Variants in ADAM19 observed in about 807,000 individuals in gnomAD.
ADAM19 encodes disintegrin and metalloproteinase domain-containing protein 19.
In ADAM19, 65 loss-of-function variants were observed where a neutral mutation model predicts 114.7. The observed-to-expected ratio is 0.57, with a 90% CI of 0.46 to 0.70. The LOEUF is 0.70. ADAM19 is among the 30% of genes least tolerant of loss of function. The pLI is 0.00. For synonymous variants in ADAM19, 466 were observed against 460.5 expected (o/e 1.01, Z -0.15); for missense variants, 1,063 against 1,204.7 (o/e 0.88, Z 1.74).
chr5:157,542,812 T>C (rs968074595), intron 3 of ADAM19, among the ~76,000 whole-genome samples: 2 of 152,110 alleles, frequency 1.3e-5, no homozygotes, highest in African/African-American at 4.8e-5. Context: ...CTCAAAACAT[T>C]AAATTAAAAA....
intron 3 of ADAM19, among the ~76,000 whole-genome samples, chr5:157,564,119 G>T (rs11465267): frequency 1.3e-5 from 2 of 152,166 alleles, no homozygotes; most frequent in African/African-American, 2.4e-5. Context: ...CTGTGTGCCC[G>T]CAGTGAACTC....
Position 157,537,997 on chromosome 5 carries a change from A to G in ADAM19, c.252-6T>C, listed in dbSNP as rs1212063918. The G allele has an allele frequency of 1.9e-6, 3 of 1,611,930 alleles. No homozygotes were observed. The highest frequency in any genetic ancestry group is 2.5e-6 in the Non-Finnish European group (3 of 1,178,168). On this transcript the variant is annotated splice_region_variant and splice_polypyrimidine_tract_variant and intron_variant, in intron 3 of 22. Coordinates refer to ENST00000257527, the MANE Select transcript of ADAM19 (RefSeq NM_033274.5). ...AGGAAGGAGCAAAAAGTTGCCTGCAAAAAATAAAAAGAGACATTTATATCA... is the reference window on the plus strand; with the variant it reads ...AGGAAGGAGCAAAAAGTTGCCTGCAGAAAATAAAAAGAGACATTTATATCA...
intron 19 of ADAM19, 96 bp from the exon 20 acceptor site, chr5:157,489,282 G>C: frequency 1.2e-6 from 1 of 859,004 alleles, no homozygotes; most frequent in Non-Finnish European, 1.9e-6. Flanking sequence ...CCAGCAAGCA[G>C]CTAAATCTTT....
At chr5:157,549,212 T>C (rs1757125759) in intron 3 of ADAM19, among the ~76,000 whole-genome samples, 1 of 152,214 alleles carries the variant, frequency 6.6e-6, no homozygotes, top group Non-Finnish European at 1.5e-5. Flanking sequence ...CCTACTTCCC[T>C]GACCACATGG....
rs1449702349 is a variant in ADAM19 at position 157,507,069 on chromosome 5, C to T, written c.977G>A (p.Gly326Glu). Residue 326 changes from glycine to glutamate, a missense_variant, in exon 10 of 23, where the codon GGA becomes GAA. Around this residue, in one of 3 missense-constraint regions of ADAM19, gnomAD observed 615 missense variants for 706.3 expected, o/e 0.87. Coordinates refer to ENST00000257527, the MANE Select transcript of ADAM19 (RefSeq NM_033274.5). ...LMAMCSVYQSGGVNMDHSENA... is the reference protein window; with the variant it reads ...LMAMCSVYQSEGVNMDHSENA... The stretch of plus-strand genomic sequence containing the variant: ...GCTGAGACTCACCATGTTGACTCCT[C>T]CAGACTGGTACACAGAGCACATGGC... The T allele has an allele frequency of 6.2e-7, 1 of 1,614,130 alleles. No homozygotes were observed. The highest frequency in any genetic ancestry group is 1.3e-5 in the African/African-American group (1 of 75,060).
intron 5 of ADAM19, among the ~76,000 whole-genome samples, chr5:157,521,528 T>A (rs931503300): frequency 2.0e-5 from 3 of 152,170 alleles, no homozygotes; most frequent in Non-Finnish European, 4.4e-5. Flanking sequence ...CCTGTGATGC[T>A]CTCTGGAAAA....
At chr5:157,569,310 C>T (rs964626890) in intron 2 of ADAM19, among the ~76,000 whole-genome samples, 1 of 143,114 alleles carries the variant, frequency 7.0e-6, no homozygotes, top group Non-Finnish European at 1.5e-5. Flanking sequence ...GCTGATGCGA[C>T]TATATCTTAC....
chr5:157,490,677 A>C (rs1440241563), intron 18 of ADAM19, among the ~76,000 whole-genome samples: 2 of 152,164 alleles, frequency 1.3e-5, no homozygotes, highest in African/African-American at 4.8e-5. Context: ...GCAGATCACA[A>C]GGTAAAGAGA....
At chr5:157,549,409 AT>A (rs1199137001) in intron 3 of ADAM19, among the ~76,000 whole-genome samples, 2 of 152,230 alleles carry the variant, frequency 1.3e-5, no homozygotes, top group African/African-American at 2.4e-5. Flanking sequence ...TTCCTAAAAG[AT>A]TAGTAGCACT....
In ADAM19 at chr5:157,502,882, G is replaced by T. The variant is rs1438933187; in HGVS notation, c.1229C>A (p.Thr410Asn). 1 of 1,614,060 alleles carries T rather than the reference G, an allele frequency of 6.2e-7. No individual in the cohort carries two copies. The highest frequency in any genetic ancestry group is 8.5e-7 in the Non-Finnish European group (1 of 1,180,008). Residue 410 changes from threonine to asparagine, a missense_variant, in exon 12 of 23, where the codon ACC (threonine) becomes AAC (asparagine). Thr to Asn is a moderately conservative substitution (Grantham distance 65). Coordinates refer to ENST00000257527, the MANE Select transcript of ADAM19 (RefSeq NM_033274.5). ...CCTCCGGCCTCCATACAACATCCTG[G>T]TGTCTGGCATGTTGGAGAGACACAT... ...GGMCLSNMPD[T>N]RMLYGGRRCG...
intron 21 of ADAM19, among the ~76,000 whole-genome samples, chr5:157,483,672 C>A (rs1754834438): frequency 6.8e-6 from 1 of 148,148 alleles, no homozygotes; most frequent in Non-Finnish European, 1.5e-5. Context: ...CTTGCTCTGT[C>A]CCCCAGGCTG....
At position 157,488,294 on chromosome 5, in the gene ADAM19, G is replaced by A; in HGVS notation, c.2521C>T (p.Pro841Ser). Residue 841 changes from proline to serine, a missense_variant, in exon 21 of 23, where the codon CCC becomes TCC. Transcript: ENST00000257527. Reference sequence around the variant, plus strand: ...GAAACGATGCAATTTGGTGCGGGGGGAATTGGCCGGCTTGGAGGAGGCCTC... The same window carrying A: ...GAAACGATGCAATTTGGTGCGGGGGAAATTGGCCGGCTTGGAGGAGGCCTC... ...SRRPPPSRPI[P>S]PAPNCIVSQD... The A allele has an allele frequency of 1.9e-6, 3 of 1,614,030 alleles. No individual in the cohort carries two copies. Among genetic ancestry groups the A allele is most frequent in the Non-Finnish European group, 2.5e-6 (3 of 1,179,898 alleles).
chr5:157,513,578 T>C, intron 7 of ADAM19, 73 bp from the exon 8 acceptor site: 1 of 1,370,154 alleles, frequency 7.3e-7, no homozygotes. Flanking sequence ...CCATTACTTG[T>C]CTTTGAATTT....
At chr5:157,490,222 T>C in intron 19 of ADAM19, 88 bp downstream of exon 19, 3 of 1,490,352 alleles carry the variant, frequency 2.0e-6, no homozygotes, top group Non-Finnish European at 2.8e-6. Context: ...TTAGACCCAC[T>C]ATCACCAACA....
intron 18 of ADAM19, 116 bp downstream of exon 18, chr5:157,491,499 T>C: frequency 1.3e-6 from 1 of 757,712 alleles, no homozygotes; most frequent in Non-Finnish European, 2.1e-6. Context: ...ATTTCCTCTC[T>C]ACAAAATCAG....
At chr5:157,487,270 C>T (rs573207650) in intron 21 of ADAM19, among the ~76,000 whole-genome samples, 1 of 152,080 alleles carries the variant, frequency 6.6e-6, no homozygotes, top group Non-Finnish European at 1.5e-5. Context: ...TTTTTCCATC[C>T]TACCTCTGCC....
At chr5:157,498,419 C>T (rs1237204239) in intron 13 of ADAM19, among the ~76,000 whole-genome samples, 1 of 152,244 alleles carries the variant, frequency 6.6e-6, no homozygotes. Flanking sequence ...TGGGCACCTG[C>T]TGTGTAACCT....
At chr5:157,486,378 C>G (rs1004282921) in intron 21 of ADAM19, among the ~76,000 whole-genome samples, 3 of 152,150 alleles carry the variant, frequency 2.0e-5, no homozygotes, top group Non-Finnish European at 2.9e-5. Context: ...AGAGAGACAC[C>G]CACCTGGGAC....
In ADAM19 at chr5:157,481,938, G is replaced by C. The variant is rs777859260; in HGVS notation, c.2556C>G (p.Phe852Leu). ...CCTTCTGGGGCGGCCGAGGCCTGGA[G>C]AAGTCCTGGAGAGAAAGCAATAAGC... ...PAPNCIVSQDFSRPRPPQKAL... is the reference protein window; with the variant it reads ...PAPNCIVSQDLSRPRPPQKAL... The change falls in exon 22 of 23, where the codon TTC becomes TTG. Residue 852 changes from phenylalanine (F) to leucine (L), a missense_variant. Phe to Leu is a conservative substitution (Grantham distance 22). This residue lies in a region of ADAM19 where 424 missense variants were observed against 445.5 expected (regional missense o/e 0.95). Coordinates refer to ENST00000257527, the MANE Select transcript of ADAM19 (RefSeq NM_033274.5). 5 of 1,600,042 alleles carry C rather than the reference G, an allele frequency of 3.1e-6. No homozygotes were observed. In the East Asian group the frequency reaches 9.0e-5, roughly 29 times the overall value.
Sources: gnomAD v4.1 joint callset for allele counts (sites outside exome capture counted in the v4.1 genomes callset) on GRCh38, gnomAD v4.1.1 for gene constraint, gnomAD v4.1.1 regional missense constraint, MANE v1.5 for transcripts, NCBI Gene and HGNC (gene_info 2026-07-23, HGNC 2026-07-21) for gene names.